The following GPC1 variants were observed in gnomAD, a reference collection of about 807,000 sequenced individuals.
The protein encoded by GPC1 is glypican-1.
A neutral mutation model predicts 51.5 loss-of-function variants in GPC1; 26 were observed. That is an observed-to-expected ratio of 0.50 (90% CI 0.37 to 0.70). The LOEUF is 0.70. Among genes scored for constraint, GPC1 ranks in the 30% least tolerant of loss-of-function variants. The probability of loss-of-function intolerance (pLI) is 0.00; values close to 1 mark genes in which losing one functional copy is unlikely to be tolerated. For synonymous variants in GPC1, 380 were observed against 348.3 expected, an observed-to-expected ratio of 1.09 and a Z score of -1.01; for missense variants, 775 against 800.5, an observed-to-expected ratio of 0.97 and a Z score of 0.38.
intron 1 of GPC1, among the ~76,000 whole-genome samples, chr2:240,437,693 C>T (rs1050578573): frequency 2.0e-5 from 3 of 152,182 alleles, no homozygotes; most frequent in African/African-American, 7.2e-5. Context: ...CTGGTGAATC[C>T]CTCCCCAGGC....
intron 2 of GPC1, among the ~76,000 whole-genome samples, chr2:240,460,856 C>T (rs1200608626): frequency 7.2e-5 from 11 of 152,320 alleles, no homozygotes; most frequent in African/African-American, 2.6e-4. Flanking sequence ...CTGTCCCCTC[C>T]CAGCCTCCGG....
Position 240,465,104 on chromosome 2 carries a change from G to A in GPC1, c.1162G>A (p.Asp388Asn), listed in dbSNP as rs750226747. Residue 388 changes from aspartate to asparagine, a missense_variant, in exon 7 of 9, where the codon GAC becomes AAC. By Grantham distance (23) the Asp-to-Asn change is conservative (BLOSUM62 1). Coordinates refer to ENST00000264039, the MANE Select transcript of GPC1 (RefSeq NM_002081.3). ...LVSEAKAQLR[D>N]VQDFWISLPG... ...CTCCGAAGCCAAGGCCCAGCTCCGC[G>A]ACGTCCAGGACTTCTGGATCAGCCT... The A allele has an allele frequency of 1.4e-5, 23 of 1,610,318 alleles. No individual in the cohort carries two copies. The highest frequency in any genetic ancestry group is 3.3e-5 in the South Asian group (3 of 90,476).
intron 1 of GPC1, among the ~76,000 whole-genome samples, chr2:240,457,718 C>G (rs1026912945): frequency 1.3e-5 from 2 of 152,146 alleles, no homozygotes; most frequent in East Asian, 1.9e-4. Flanking sequence ...CGCCCTCGGT[C>G]CCGGTCCTGG....
chr2:240,444,758 G>A lies in GPC1; in HGVS notation c.166+8674G>A, dbSNP rs796386013. On this transcript the variant is annotated intron_variant, in intron 1 of 8. Transcript: ENST00000264039. Reference sequence around the variant, plus strand: ...AGCCTCAGTGCCCACTGTGGACCCCGCAGCCCACCCGTGTCTGGCGCATCC... The same window carrying A: ...AGCCTCAGTGCCCACTGTGGACCCCACAGCCCACCCGTGTCTGGCGCATCC... 5.3e-5 allele frequency among the ~76,000 whole-genome samples: 8 copies of A among 152,142 alleles called. No individual in the cohort carries two copies. The South Asian group carries it at 1.4e-3, about 28-fold the overall frequency.
intron 2 of GPC1, 83 bp from the exon 3 acceptor site, chr2:240,462,108 C>A: frequency 7.6e-7 from 1 of 1,323,832 alleles, no homozygotes; most frequent in South Asian, 1.5e-5. Flanking sequence ...AGAGCTGAGT[C>A]TCCCGGGCTG....
At chr2:240,453,308 GCTCCCACCGC>G (rs2074120350) in intron 1 of GPC1, among the ~76,000 whole-genome samples, 42 of 1,852 alleles carry the variant, frequency 0.023, 7 homozygotes, top group African/African-American at 0.094. Context: ...TCCCCGCCCC[GCTCCCACCGC>G]CCGCCCCGCT....
Position 240,462,407 on chromosome 2 carries a change from AGCT to A in GPC1, c.551_553del (p.Leu184del). On this transcript the variant is annotated inframe_deletion, in exon 3 of 9. Coordinates refer to ENST00000264039, the MANE Select transcript of GPC1 (RefSeq NM_002081.3). Reference sequence around the variant, plus strand: ...CGCCTCTTCAAGCAGCTGCACCCCCAGCTGCTGCTGCCTGATGACTACCTGGAC... The same window carrying A: ...CGCCTCTTCAAGCAGCTGCACCCCCAGCTGCTGCCTGATGACTACCTGGAC... 1 of 1,601,212 alleles carries A rather than the reference AGCT, an allele frequency of 6.2e-7. No individual in the cohort carries two copies. The highest frequency in any genetic ancestry group is 8.5e-7 in the Non-Finnish European group (1 of 1,174,484).
rs770308164 is a variant in GPC1, at chr2:240,435,991, C to G, written c.73C>G (p.Pro25Ala). The G allele has an allele frequency of 5.1e-6, 7 of 1,378,476 alleles. No individual in the cohort carries two copies. The highest frequency in any genetic ancestry group is 5.6e-6 in the Non-Finnish European group (6 of 1,063,300). The allele number at this position is 1,378,476 out of a possible 1,614,324, so 85.4% of individuals were successfully genotyped here. ...AALVACARGD[P>A]ASKSRSCGEV... ...GCTGGTCGCCTGCGCCCGCGGGGAC[C>G]CGGCCAGCAAGAGCCGGAGCTGCGG... The change falls in exon 1 of 9, where the codon CCG (proline) becomes GCG (alanine). Residue 25 changes from proline (P) to alanine (A), a missense_variant. Physicochemically the swap from Pro to Ala is conservative, Grantham distance 27. Transcript: ENST00000264039.
At position 240,456,176 on chromosome 2, in the gene GPC1, C is replaced by T. The variant is rs546167365; in HGVS notation, c.167-2854C>T. The T allele has an allele frequency of 3.1e-3, 807 of 258,764 alleles. 12 individuals are homozygous for T. Among genetic ancestry groups the T allele is most frequent in the Middle Eastern group, 0.023 (16 of 702 alleles). 16.0% of individuals were successfully genotyped at this position (258,764 alleles called of 1,614,324 possible). A position where few individuals can be genotyped will look rare whatever the true frequency, so the allele number is the denominator to read the frequency against. The stretch of plus-strand genomic sequence containing the variant: ...GGAGGCTGAGGCGCGGGGGCCGGTG[C>T]GCGGCCGTGAGGGGGTGTGAGAGGT... On this transcript the variant is annotated intron_variant, in intron 1 of 8. Transcript: ENST00000264039.
At chr2:240,460,638 T>G (rs1010678003) in intron 2 of GPC1, among the ~76,000 whole-genome samples, 6 of 152,266 alleles carry the variant, frequency 3.9e-5, no homozygotes, top group African/African-American at 1.4e-4. Context: ...GCCGCCGCCC[T>G]CCCTCTGCTG....
chr2:240,450,569 G>C (rs1350106753), intron 1 of GPC1: 3 of 470,064 alleles, frequency 6.4e-6, no homozygotes, highest in Non-Finnish European at 1.3e-5. Flanking sequence ...CTGCATCTTA[G>C]CAGGGAGACA....
chr2:240,450,258 G>A (rs2074085363), intron 1 of GPC1: 1 of 328,648 alleles, frequency 3.0e-6, no homozygotes, highest in East Asian at 8.3e-5. Context: ...AAGCCCTAGG[G>A]AGACGCCCTC....
chr2:240,445,144 C>T (rs531876709), intron 1 of GPC1, among the ~76,000 whole-genome samples: 2 of 152,332 alleles, frequency 1.3e-5, no homozygotes, highest in South Asian at 4.1e-4. Flanking sequence ...GAACACTGCT[C>T]AGCATCTTCA....
At chr2:240,450,008 T>C (rs993852782) in intron 1 of GPC1, 1 of 443,972 alleles carries the variant, frequency 2.3e-6, no homozygotes, top group Non-Finnish European at 4.6e-6. Context: ...GCTGTGAGCA[T>C]GGGTGTATGA....
Position 240,461,933 on chromosome 2 carries a change from C to A in GPC1, c.326-258C>A, listed in dbSNP as rs958842452. ...CCAGGGCTCAGCTCAGAAACTGCCA[C>A]TGGAGCCCCAGTCAGAGGCCCTGAG... On this transcript the variant is annotated intron_variant, in intron 2 of 8. Coordinates refer to ENST00000264039, the MANE Select transcript of GPC1 (RefSeq NM_002081.3). Among the ~76,000 whole-genome samples the A allele has an allele frequency of 2.6e-5, 4 of 152,116 alleles. No individual in the cohort carries two copies. In the East Asian group the frequency reaches 7.7e-4, roughly 29 times the overall value.
rs1394328586 is a variant in GPC1 at position 240,435,749 on chromosome 2, G to T, written c.-170G>T. The T allele has an allele frequency of 9.3e-6, 3 of 323,844 alleles. No individual in the cohort carries two copies. The highest frequency in any genetic ancestry group is 1.6e-5 in the Non-Finnish European group (3 of 191,198). 20.1% of individuals were successfully genotyped at this position (323,844 alleles called of 1,614,324 possible). On this transcript the variant is annotated 5_prime_UTR_variant, in exon 1 of 9. Transcript: ENST00000264039. ...CGCACCCCGCGCGCCCCGCGCCGCC[G>T]CCGCCGCCGGCTTTTGTTGTCTCCG...
rs964115472 is a variant in GPC1 at position 240,453,694 on chromosome 2, C to G, written c.167-5336C>G. Among the ~76,000 whole-genome samples, 592 of 151,508 alleles carry G rather than the reference C, an allele frequency of 3.9e-3. 4 individuals are homozygous for G. The highest frequency in any genetic ancestry group is 0.013 in the African/African-American group (559 of 41,416). On this transcript the variant is annotated intron_variant, in intron 1 of 8. Coordinates refer to ENST00000264039, the MANE Select transcript of GPC1 (RefSeq NM_002081.3). ...GCGCCCACTGCACCAGTGCCCCCTC[C>G]TCGCCGGGCCGCCGGCGCTGCTGCG...
intron 4 of GPC1, 143 bp downstream of exon 4, chr2:240,463,655 G>T: frequency 3.0e-6 from 2 of 668,092 alleles, no homozygotes; most frequent in Non-Finnish European, 5.1e-6. Context: ...GATCTGGGTG[G>T]TGCTGCAGGG....
rs1158798473 is a variant in GPC1, at chr2:240,467,212, C to A, written c.*922C>A. On this transcript the variant is annotated 3_prime_UTR_variant, in exon 9 of 9. Transcript: ENST00000264039. ...CCTCCCTGTTCACGGTGACACAGGTCAGGGCTCAGAGTGACCCTCAGCTGT... is the reference window on the plus strand; with the variant it reads ...CCTCCCTGTTCACGGTGACACAGGTAAGGGCTCAGAGTGACCCTCAGCTGT... 6.6e-6 allele frequency: 1 copy of A among 152,338 alleles called. No individual in the cohort carries two copies. Among genetic ancestry groups the A allele is most frequent in the Non-Finnish European group, 1.5e-5 (1 of 68,114 alleles). 9.4% of individuals were successfully genotyped at this position (152,338 alleles called of 1,614,324 possible).
Sources: gnomAD v4.1 joint callset for allele counts (sites outside exome capture counted in the v4.1 genomes callset) on GRCh38, gnomAD v4.1.1 for gene constraint, MANE v1.5 for transcripts, NCBI Gene and HGNC (gene_info 2026-07-23, HGNC 2026-07-21) for gene names.